COPS4: variants seen among roughly 807,000 people sequenced by gnomAD.
COPS4 encodes the protein COP9 signalosome subunit 4.
A neutral mutation model predicts 55.1 loss-of-function variants in COPS4; 8 were observed. The ratio of observed to expected loss-of-function variants is 0.15; its 90% CI spans 0.09 to 0.26. The LOEUF is 0.26. COPS4 is among the 10% of genes least tolerant of loss of function. COPS4 has a pLI of 1.00. For missense variants in COPS4, 248 were observed against 484.0 expected, an observed-to-expected ratio of 0.51 and a Z score of 4.58; for synonymous variants, 185 against 165.7, an observed-to-expected ratio of 1.12 and a Z score of -0.90.
chr4:83,043,788 A>C (rs1009565476), intron 1 of COPS4, among the ~76,000 whole-genome samples: 1 of 152,198 alleles, frequency 6.6e-6, no homozygotes, highest in Non-Finnish European at 1.5e-5. Context: ...AAGGACCCTC[A>C]AACTTAGCAA....
chr4:83,045,672 C>A lies in COPS4; in HGVS notation c.121C>A (p.Gln41Lys). 6.2e-7 allele frequency: 1 copy of A among 1,612,938 alleles called. No individual in the cohort carries two copies. The highest frequency in any genetic ancestry group is 1.1e-5 in the South Asian group (1 of 91,000). The part of the protein sequence containing the change: ...EKAIQLSGAE[Q>K]LEALKAFVEA... ...AGCCATTCAGTTATCTGGAGCAGAACAACTAGAAGCTTTGAAAGCTTTTGT... is the reference window on the plus strand; with the variant it reads ...AGCCATTCAGTTATCTGGAGCAGAAAAACTAGAAGCTTTGAAAGCTTTTGT... Residue 41 changes from glutamine to lysine, a missense_variant, in exon 2 of 10, where the codon CAA becomes AAA. This residue lies in a region of COPS4 where 55 missense variants were observed against 62.8 expected (regional missense o/e 0.88). Coordinates refer to ENST00000264389, the MANE Select transcript of COPS4 (RefSeq NM_016129.3).
At chr4:83,074,698 G>A (rs2126136020) in intron 9 of COPS4, among the ~76,000 whole-genome samples, 1 of 151,080 alleles carries the variant, frequency 6.6e-6, no homozygotes, top group Non-Finnish European at 1.5e-5. Flanking sequence ...TAGAGACACG[G>A]TTTTGCCATG....
At chr4:83,071,925 T>C (rs1223663246) in intron 9 of COPS4, among the ~76,000 whole-genome samples, 3 of 152,062 alleles carry the variant, frequency 2.0e-5, no homozygotes, top group Admixed American at 6.5e-5. Flanking sequence ...TTGGCCAGGA[T>C]GGTCTTGATC....
intron 9 of COPS4, among the ~76,000 whole-genome samples, chr4:83,069,004 CT>C (rs1480280808): frequency 1.3e-5 from 2 of 151,640 alleles, no homozygotes; most frequent in Non-Finnish European, 2.9e-5. Flanking sequence ...CATGAATCTA[CT>C]TACTGCAGGA....
At chr4:83,047,219 A>G (rs1275824253) in intron 2 of COPS4, among the ~76,000 whole-genome samples, 1 of 152,214 alleles carries the variant, frequency 6.6e-6, no homozygotes, top group Non-Finnish European at 1.5e-5. Flanking sequence ...GCACTGTAGT[A>G]GCAGAAGAAT....
At chr4:83,037,598 T>C (rs1380731399) in intron 1 of COPS4, among the ~76,000 whole-genome samples, 2 of 152,244 alleles carry the variant, frequency 1.3e-5, no homozygotes, top group Non-Finnish European at 1.5e-5. Flanking sequence ...ACATCAGTTC[T>C]ACCAGCTATA....
intron 9 of COPS4, among the ~76,000 whole-genome samples, chr4:83,074,131 G>C (rs953113447): frequency 5.3e-5 from 8 of 152,096 alleles, no homozygotes; most frequent in Non-Finnish European, 1.0e-4. Flanking sequence ...GGATTTAAAT[G>C]GTATGATATT....
At chr4:83,073,556 T>C (rs892528497) in intron 9 of COPS4, among the ~76,000 whole-genome samples, 2 of 152,212 alleles carry the variant, frequency 1.3e-5, no homozygotes. Context: ...TTTCTTTAAA[T>C]TTATTTATTA....
Position 83,063,058 on chromosome 4 carries a change from C to A in COPS4, c.716-18C>A. The A allele has an allele frequency of 6.6e-7, 1 of 1,506,470 alleles. No individual in the cohort carries two copies. The highest frequency in any genetic ancestry group is 1.3e-5 in the South Asian group (1 of 75,376). The allele number at this position is 1,506,470 out of a possible 1,614,324, so 93.3% of individuals were successfully genotyped here. On this transcript the variant is annotated intron_variant, in intron 6 of 9. Transcript: ENST00000264389. ...GAAAATAACATTGTGAAATTTGATG[C>A]TCATTTATTTCTCTTAGGGCAGCAG...
chr4:83,073,502 G>C, intron 9 of COPS4: 1 of 399,660 alleles, frequency 2.5e-6, no homozygotes, highest in Non-Finnish European at 4.4e-6. Flanking sequence ...TTTTGGCCTG[G>C]TTAGAAAGCA....
At chr4:83,063,856 T>G (rs1731234353) in intron 7 of COPS4, among the ~76,000 whole-genome samples, 2 of 151,212 alleles carry the variant, frequency 1.3e-5, no homozygotes, top group Non-Finnish European at 2.9e-5. Flanking sequence ...ATTACATGCA[T>G]GCGCCACCAC....
intron 4 of COPS4, among the ~76,000 whole-genome samples, chr4:83,056,274 G>T (rs1009553527): frequency 1.1e-4 from 16 of 151,990 alleles, no homozygotes; most frequent in Non-Finnish European, 2.1e-4. Flanking sequence ...TGGGTTAAGG[G>T]TATATGCATT....
intron 7 of COPS4, among the ~76,000 whole-genome samples, chr4:83,063,872 G>T (rs142685431): frequency 1.1e-4 from 16 of 152,086 alleles, no homozygotes; most frequent in Non-Finnish European, 1.8e-4. Context: ...ACCACGCCCG[G>T]CTAATTTTGT....
chr4:83,050,803 T>C (rs1327082643), intron 4 of COPS4, among the ~76,000 whole-genome samples: 2 of 152,006 alleles, frequency 1.3e-5, no homozygotes, highest in Admixed American at 1.3e-4. Flanking sequence ...TTATAAGCCA[T>C]TGTAAGGAAT....
At chr4:83,049,438 C>G in intron 3 of COPS4, 121 bp downstream of exon 3, 1 of 824,720 alleles carries the variant, frequency 1.2e-6, no homozygotes, top group Non-Finnish European at 1.8e-6. Context: ...AACAGTGTGC[C>G]AAACGACATT....
intron 1 of COPS4, among the ~76,000 whole-genome samples, chr4:83,038,902 C>T (rs957680121): frequency 6.6e-6 from 1 of 152,262 alleles, no homozygotes; most frequent in African/African-American, 2.4e-5. Context: ...CTTGGCCTCC[C>T]AAAGTGCTGG....
intron 1 of COPS4, among the ~76,000 whole-genome samples, chr4:83,039,116 A>G (rs1730497539): frequency 6.6e-6 from 1 of 152,146 alleles, no homozygotes; most frequent in South Asian, 2.1e-4. Context: ...GTAGGTTGGT[A>G]GTTTGGATTG....
rs1730691736 is a variant in COPS4 at position 83,045,704 on chromosome 4, A to G, written c.153A>G (p.Ala51=). ...QLEALKAFVE[A]MVNENVSLVI... ...AAGCTTTGAAAGCTTTTGTGGAAGC[A>G]AGTAAGTGAAATGGAAATTTCATGC... The change falls in exon 2 of 10, where the codon GCA becomes GCG. Residue 51 remains alanine, a splice_region_variant and synonymous_variant. Coordinates refer to ENST00000264389, the MANE Select transcript of COPS4 (RefSeq NM_016129.3). 6.2e-7 allele frequency: 1 copy of G among 1,608,870 alleles called. No individual in the cohort carries two copies. The highest frequency in any genetic ancestry group is 1.1e-5 in the South Asian group (1 of 90,798).
intron 6 of COPS4, among the ~76,000 whole-genome samples, chr4:83,059,948 T>G (rs1731119497): frequency 6.6e-6 from 1 of 151,860 alleles, no homozygotes; most frequent in Non-Finnish European, 1.5e-5. Flanking sequence ...TGATCCGCCC[T>G]CCTCCGCCTT....
Sources: gnomAD v4.1 joint callset for allele counts (sites outside exome capture counted in the v4.1 genomes callset) on GRCh38, gnomAD v4.1.1 for gene constraint, gnomAD v4.1.1 regional missense constraint, MANE v1.5 for transcripts, NCBI Gene and HGNC (gene_info 2026-07-23, HGNC 2026-07-21) for gene names.